The following RAD18 variants were observed in gnomAD, a reference collection of about 807,000 sequenced individuals.
RAD18 encodes RAD18 E3 ubiquitin protein ligase, also known as E3 ubiquitin-protein ligase RAD18.
In RAD18, 47 loss-of-function variants were observed where a neutral mutation model predicts 60.4. That is an observed-to-expected ratio of 0.78 (90% confidence interval 0.62 to 0.99). RAD18 has a LOEUF of 0.99. RAD18 is among the 50% of genes least tolerant of loss of function. The pLI, the probability that RAD18 is intolerant of heterozygous loss-of-function variation, is 0.00. For synonymous variants in RAD18, 225 were observed against 195.5 expected (o/e 1.15, Z -1.26); for missense variants, 640 against 593.3 (o/e 1.08, Z -0.82).
At chr3:8,935,265 G>A (rs1466775882) in intron 7 of RAD18, among the ~76,000 whole-genome samples, 1 of 152,192 alleles carries the variant, frequency 6.6e-6, no homozygotes, top group African/African-American at 2.4e-5. Context: ...GAACTCCAAT[G>A]TATGTGTGTG....
intron 1 of RAD18, among the ~76,000 whole-genome samples, chr3:8,959,808 G>A (rs977573576): frequency 6.6e-6 from 1 of 151,608 alleles, no homozygotes; most frequent in Non-Finnish European, 1.5e-5. Context: ...CTTGAGTCCA[G>A]GAGGCGTAGG....
chr3:8,910,863 T>C (rs796455069), intron 9 of RAD18, among the ~76,000 whole-genome samples: 84 of 152,302 alleles, frequency 5.5e-4, no homozygotes, highest in African/African-American at 2.0e-3. Context: ...AAAAATACTT[T>C]TTTATAAATT....
chr3:8,900,330 G>C (rs967799831), intron 10 of RAD18, among the ~76,000 whole-genome samples: 1 of 152,114 alleles, frequency 6.6e-6, no homozygotes, highest in Non-Finnish European at 1.5e-5. Context: ...CAGTCAACTC[G>C]GTTCACCCAG....
intron 7 of RAD18, among the ~76,000 whole-genome samples, chr3:8,919,501 G>A (rs899176476): frequency 3.3e-5 from 5 of 152,128 alleles, no homozygotes; most frequent in African/African-American, 1.2e-4. Flanking sequence ...AAACAAAACT[G>A]CTACAGTATG....
intron 10 of RAD18, among the ~76,000 whole-genome samples, 167 bp from the exon 11 acceptor site, chr3:8,899,214 G>T (rs1224073020): frequency 6.6e-6 from 1 of 152,092 alleles, no homozygotes; most frequent in Non-Finnish European, 1.5e-5. Flanking sequence ...CACTACAATG[G>T]TGCTATCTAA....
intron 1 of RAD18, among the ~76,000 whole-genome samples, chr3:8,959,971 T>C (rs548070063): frequency 6.6e-6 from 1 of 152,000 alleles, no homozygotes; most frequent in Non-Finnish European, 1.5e-5. Flanking sequence ...GTATAGACAG[T>C]ACATATACTA....
Position 8,902,046 on chromosome 3 carries a change from A to G in RAD18, c.1168+334T>C, listed in dbSNP as rs554240228. 2.6e-5 allele frequency among the ~76,000 whole-genome samples: 4 copies of G among 152,326 alleles called. No individual in the cohort carries two copies. In the East Asian group the frequency reaches 7.7e-4, roughly 29 times the overall value. On this transcript the variant is annotated intron_variant, in intron 10 of 12. Coordinates refer to ENST00000264926, the MANE Select transcript of RAD18 (RefSeq NM_020165.4). ...CCAAAGTAAACACCAGTGTTCTATC[A>G]CAAAAATAATTCACTCTCTTTACAG...
intron 7 of RAD18, among the ~76,000 whole-genome samples, chr3:8,935,320 T>C (rs972826370): frequency 6.6e-6 from 1 of 152,226 alleles, no homozygotes; most frequent in Non-Finnish European, 1.5e-5. Context: ...CTACACAGAA[T>C]ACTATCATTT....
intron 10 of RAD18, among the ~76,000 whole-genome samples, chr3:8,900,013 A>G (rs1284832684): frequency 6.6e-6 from 1 of 152,218 alleles, no homozygotes; most frequent in East Asian, 1.9e-4. Flanking sequence ...GAGAGAATTT[A>G]TGGGGAAAGA....
intron 3 of RAD18, among the ~76,000 whole-genome samples, chr3:8,947,601 T>C (rs1940858438): frequency 6.6e-6 from 1 of 152,206 alleles, no homozygotes; most frequent in East Asian, 1.9e-4. Flanking sequence ...CACTCAGCTT[T>C]CTCAGAAATT....
At chr3:8,898,684 G>GA (rs1007748800) in intron 11 of RAD18, among the ~76,000 whole-genome samples, 1 of 152,030 alleles carries the variant, frequency 6.6e-6, no homozygotes, top group Non-Finnish European at 1.5e-5. Context: ...ATAGAGTAGA[G>GA]ACCAAACTCA....
intron 12 of RAD18, among the ~76,000 whole-genome samples, chr3:8,889,497 A>G (rs1939643934): frequency 6.6e-6 from 1 of 152,196 alleles, no homozygotes; most frequent in Non-Finnish European, 1.5e-5. Context: ...TGCTGGAAAG[A>G]GATGGACACA....
rs1939853785 is a variant in RAD18, at chr3:8,898,995, C to T, written c.1221G>A (p.Leu407=). 1.2e-6 allele frequency: 2 copies of T among 1,608,540 alleles called. No homozygotes were observed. Among genetic ancestry groups the T allele is most frequent in the Non-Finnish European group, 1.7e-6 (2 of 1,176,776 alleles). ...SVTNHFSQSK[L]DSPEELEPDR... Reference sequence around the variant, plus strand: ...CAGGTTCCAATTCCTCTGGGGAGTCCAGCTTTGATTGAGAAAAGTGGTTTG... The same window carrying T: ...CAGGTTCCAATTCCTCTGGGGAGTCTAGCTTTGATTGAGAAAAGTGGTTTG... The change falls in exon 11 of 13, where the codon CTG becomes CTA. Residue 407 remains leucine, a synonymous_variant. Coordinates refer to ENST00000264926, the MANE Select transcript of RAD18 (RefSeq NM_020165.4).
In RAD18 at chr3:8,878,143, T is replaced by C. The variant is rs772396392; in HGVS notation, c.*3214A>G. 3 of 152,244 alleles carry C rather than the reference T, an allele frequency of 2.0e-5. No homozygotes were observed. Among genetic ancestry groups the C allele is most frequent in the Non-Finnish European group, 4.4e-5 (3 of 68,076 alleles). The allele number at this position is 152,244 out of a possible 1,614,324, so 9.4% of individuals were successfully genotyped here. A position where few individuals can be genotyped will look rare whatever the true frequency, so the allele number is the denominator to read the frequency against. On this transcript the variant is annotated 3_prime_UTR_variant, in exon 13 of 13. Transcript: ENST00000264926. The stretch of plus-strand genomic sequence containing the variant: ...GAGGGCAGATGCTGGTAGAAGTCTG[T>C]CGGGGGGAGCAGCAACATATGCAAG...
At chr3:8,947,691 A>G (rs1253253614) in intron 3 of RAD18, among the ~76,000 whole-genome samples, 1 of 152,246 alleles carries the variant, frequency 6.6e-6, no homozygotes, top group Non-Finnish European at 1.5e-5. Context: ...AGAATTTTAA[A>G]GTAAGATTGG....
At chr3:8,931,053 C>T (rs931191639) in intron 7 of RAD18, among the ~76,000 whole-genome samples, 3 of 151,482 alleles carry the variant, frequency 2.0e-5, no homozygotes, top group Non-Finnish European at 2.9e-5. Context: ...AAAGGCATAT[C>T]GACTGAAAAA....
At chr3:8,954,077 G>A (rs150609730) in intron 2 of RAD18, among the ~76,000 whole-genome samples, 22 of 152,304 alleles carry the variant, frequency 1.4e-4, no homozygotes, top group African/African-American at 5.3e-4. Context: ...ACAAAAGGGA[G>A]ATATAATTAT....
rs906945588 is a variant in RAD18 at position 8,880,422 on chromosome 3, G to C, written c.*935C>G. ...GGGGGATGCTGGCTCTGAAATGCCA[G>C]AGAGGCATTAAGAACTCTGGAAGCA... On this transcript the variant is annotated 3_prime_UTR_variant, in exon 13 of 13. Coordinates refer to ENST00000264926, the MANE Select transcript of RAD18 (RefSeq NM_020165.4). 6.6e-6 allele frequency: 1 copy of C among 152,236 alleles called. No individual in the cohort carries two copies. Among genetic ancestry groups the C allele is most frequent in the Admixed American group, 6.5e-5 (1 of 15,282 alleles). 9.4% of individuals were successfully genotyped at this position (152,236 alleles called of 1,614,324 possible). A position where few individuals can be genotyped will look rare whatever the true frequency, so the allele number is the denominator to read the frequency against.
chr3:8,888,109 A>C (rs1433123706), intron 12 of RAD18, among the ~76,000 whole-genome samples: 1 of 152,106 alleles, frequency 6.6e-6, no homozygotes, highest in African/African-American at 2.4e-5. Flanking sequence ...AGAAAACCCC[A>C]ATCAGGGTTC....
Sources: allele counts gnomAD v4.1 joint callset (sites outside exome capture counted in the v4.1 genomes callset), GRCh38; gene constraint gnomAD v4.1.1; transcripts MANE v1.5; gene names NCBI Gene and HGNC (gene_info 2026-07-23, HGNC 2026-07-21).